Variants in SETX observed in about 807,000 individuals in gnomAD.
The protein encoded by SETX is helicase senataxin.
SETX carries 90 observed loss-of-function variants against 227.2 expected under a neutral mutation model. The ratio of observed to expected loss-of-function variants is 0.40; its 90% CI spans 0.33 to 0.47. The LOEUF (loss-of-function observed/expected upper bound fraction) is 0.47, where lower values mean the gene tolerates loss of function less well. Ranked by LOEUF, SETX falls within the 20% of genes least tolerant of loss-of-function variation. The pLI, the probability that SETX is intolerant of heterozygous loss-of-function variation, is 0.91. For missense variants in SETX, 3,052 were observed against 3,181.5 expected (o/e 0.96, Z 0.98); for synonymous variants, 1,210 against 1,113.2 (o/e 1.09, Z -1.73).
intron 4 of SETX, among the ~76,000 whole-genome samples, chr9:132,345,833 A>C (rs1287069153): frequency 6.6e-6 from 1 of 152,110 alleles, no homozygotes; most frequent in African/African-American, 2.4e-5. Context: ...CCTGGGCAAC[A>C]GTGAAACTTC....
chr9:132,265,519 T>TG (rs1842605814), intron 25 of SETX, among the ~76,000 whole-genome samples: 1 of 152,162 alleles, frequency 6.6e-6, no homozygotes, highest in Non-Finnish European at 1.5e-5. Context: ...CCACCGTGCC[T>TG]GGCCGAACTT....
chr9:132,327,291 G>A lies in SETX; in HGVS notation c.4307C>T (p.Ala1436Val). 1 of 1,614,194 alleles carries A rather than the reference G, an allele frequency of 6.2e-7. No homozygotes were observed. The highest frequency in any genetic ancestry group is 1.1e-5 in the South Asian group (1 of 91,076). Residue 1436 changes from alanine (A) to valine (V), a missense_variant, in exon 10 of 26, where the codon GCT (alanine) becomes GTT (valine). By Grantham distance (64) the Ala-to-Val change is moderately conservative. Around this residue, in one of 10 missense-constraint regions of SETX, gnomAD observed 1,483 missense variants for 1,312.0 expected, o/e 1.13. Transcript: ENST00000224140. ...AGAATCACACTGGTTCAAAGGGCAA[G>A]CATCATCAGTTGCTGGAGACCCATG... is the stretch of plus-strand genomic sequence containing the variant. ...AKHGSPATDDACPLNQCDSVV... is the reference protein window; with the variant it reads ...AKHGSPATDDVCPLNQCDSVV...
intron 21 of SETX, among the ~76,000 whole-genome samples, chr9:132,277,432 C>CTT (rs1247737665): frequency 4.6e-5 from 7 of 151,908 alleles, no homozygotes; most frequent in African/African-American, 1.7e-4. Context: ...AAGTATGGTC[C>CTT]CACATTTTTC....
chr9:132,281,602 G>A (rs1198039483), intron 19 of SETX, 28 bp from the exon 20 acceptor site: 2 of 1,472,046 alleles, frequency 1.4e-6, no homozygotes, highest in Non-Finnish European at 1.9e-6. Context: ...GAGAGAGGCA[G>A]TCTTAACAAT....
intron 4 of SETX, among the ~76,000 whole-genome samples, chr9:132,344,003 A>G (rs1367113449): frequency 6.6e-6 from 1 of 152,184 alleles, no homozygotes; most frequent in East Asian, 1.9e-4. Flanking sequence ...GTACGAACAT[A>G]GTTGGCACGT....
chr9:132,335,191 C>T (rs188667002), intron 6 of SETX, among the ~76,000 whole-genome samples: 24 of 151,718 alleles, frequency 1.6e-4, no homozygotes, highest in South Asian at 4.2e-4. Context: ...GAGATCGAGA[C>T]CATCCTGGCT....
chr9:132,265,226 T>TTTG (rs1317425386), intron 25 of SETX, among the ~76,000 whole-genome samples: 1 of 120,650 alleles, frequency 8.3e-6, no homozygotes, highest in African/African-American at 3.7e-5. Context: ...CAACTTTTGT[T>TTTG]TTTTTTTTTT....
chr9:132,303,594 T>C (rs1160229919), intron 11 of SETX, among the ~76,000 whole-genome samples: 3 of 151,658 alleles, frequency 2.0e-5, no homozygotes, highest in African/African-American at 7.3e-5. Context: ...AGATTAGGAG[T>C]AAATATTTTC....
intron 2 of SETX, 136 bp downstream of exon 2, chr9:132,353,513 G>A (rs1201232047): frequency 1.1e-4 from 16 of 152,194 alleles, no homozygotes; most frequent in South Asian, 4.1e-4. Flanking sequence ...TCTGGGGGGG[G>A]GGCCTGTCCG....
chr9:132,339,104 T>C (rs1847815616), intron 5 of SETX, among the ~76,000 whole-genome samples: 1 of 152,216 alleles, frequency 6.6e-6, no homozygotes, highest in African/African-American at 2.4e-5. Context: ...CTCTTTATGG[T>C]ATTTTTTGAT....
chr9:132,311,718 T>C (rs367654111), intron 11 of SETX, 39 bp downstream of exon 11: 43 of 1,363,018 alleles, frequency 3.2e-5, no homozygotes, highest in African/African-American at 2.9e-4. Context: ...TCTCCAATTA[T>C]TATATCATAT....
intron 5 of SETX, among the ~76,000 whole-genome samples, chr9:132,342,175 G>A (rs1589773799): frequency 6.6e-6 from 1 of 152,114 alleles, no homozygotes; most frequent in Admixed American, 6.5e-5. Flanking sequence ...CACAAAAGGT[G>A]ACAAGATCTC....
intron 11 of SETX, among the ~76,000 whole-genome samples, chr9:132,307,641 TTTTA>T (rs1845409068): frequency 6.6e-6 from 1 of 152,142 alleles, no homozygotes; most frequent in African/African-American, 2.4e-5. Flanking sequence ...CATAGTTCTT[TTTTA>T]AGCTTACCAG....
rs1166347854 is a variant in SETX at position 132,330,346 on chromosome 9, G to A, written c.1252C>T (p.Leu418Phe). The change falls in exon 10 of 26, where the codon CTC becomes TTC. Residue 418 changes from leucine to phenylalanine, a missense_variant. This residue lies in a region of SETX where 179 missense variants were observed against 197.1 expected (regional missense o/e 0.91). Transcript: ENST00000224140. ...FLWFIPFVQS[L>F]MDLKDLGVAY... ...ACACCCAAATCCTTAAGATCCATGA[G>A]GGACTGGACAAAAGGGATGAACCAT... 1.2e-6 allele frequency: 2 copies of A among 1,613,902 alleles called. No individual in the cohort carries two copies. The highest frequency in any genetic ancestry group is 8.5e-7 in the Non-Finnish European group (1 of 1,179,912).
intron 12 of SETX, 105 bp downstream of exon 12, chr9:132,300,525 T>G: frequency 7.8e-7 from 1 of 1,287,034 alleles, no homozygotes; most frequent in Admixed American, 1.7e-5. Context: ...CAAAAACATG[T>G]TCGGTAAATG....
intron 11 of SETX, among the ~76,000 whole-genome samples, chr9:132,304,979 A>G (rs938181992): frequency 2.0e-5 from 3 of 151,972 alleles, no homozygotes; most frequent in Non-Finnish European, 4.4e-5. Context: ...TGGGTAACAG[A>G]GTGAGACTCC....
chr9:132,352,339 G>A (rs116866921), intron 2 of SETX, among the ~76,000 whole-genome samples: 153 of 152,184 alleles, frequency 1.0e-3, no homozygotes, highest in South Asian at 3.9e-3. Flanking sequence ...TAAAGTTTTC[G>A]AAGGCTTGTC....
At chr9:132,309,416 C>T (rs1845519570) in intron 11 of SETX, among the ~76,000 whole-genome samples, 1 of 152,056 alleles carries the variant, frequency 6.6e-6, no homozygotes, top group South Asian at 2.1e-4. Flanking sequence ...AACCCACATG[C>T]CTCAGTCAGA....
chr9:132,331,843 AAAG>A (rs1847257196), intron 7 of SETX, among the ~76,000 whole-genome samples: 1 of 152,180 alleles, frequency 6.6e-6, no homozygotes, highest in South Asian at 2.1e-4. Flanking sequence ...AACTAACAGA[AAAG>A]AAGAGGAAAA....
Sources: allele counts gnomAD v4.1 joint callset (sites outside exome capture counted in the v4.1 genomes callset), GRCh38; gene constraint gnomAD v4.1.1; regional missense constraint gnomAD v4.1.1; transcripts MANE v1.5; gene names NCBI Gene and HGNC (gene_info 2026-07-23, HGNC 2026-07-21).